Variants in SLC29A3 observed in about 807,000 individuals in gnomAD.
The protein encoded by SLC29A3 is solute carrier family 29 member 3.
SLC29A3 carries 18 observed loss-of-function variants against 25.4 expected under a neutral mutation model. The observed-to-expected ratio is 0.71, with a 90% confidence interval of 0.49 to 1.05. The LOEUF is 1.05. SLC29A3 is among the 50% of genes least tolerant of loss of function. The pLI, the probability that SLC29A3 is intolerant of heterozygous loss-of-function variation, is 0.00. For synonymous variants in SLC29A3, 258 were observed against 267.1 expected (o/e 0.97, Z 0.33); for missense variants, 586 against 609.0 (o/e 0.96, Z 0.40).
Position 71,362,516 on chromosome 10 carries a change from G to A in SLC29A3, c.1336G>A (p.Ala446Thr). 1 of 1,614,178 alleles carries A rather than the reference G, an allele frequency of 6.2e-7. No individual in the cohort carries two copies. Among genetic ancestry groups the A allele is most frequent in the Non-Finnish European group, 8.5e-7 (1 of 1,180,048 alleles). The change falls in exon 6 of 6, where the codon GCT becomes ACT. Residue 446 changes from alanine to threonine, a missense_variant. Transcript: ENST00000373189. The part of the protein sequence containing the change: ...YGPKIVPREL[A>T]EATGVVMSFY... Reference sequence around the variant, plus strand: ...GCCTAAGATTGTGCCCAGGGAGCTGGCTGAGGCCACGGGAGTGGTGATGTC... The same window carrying A: ...GCCTAAGATTGTGCCCAGGGAGCTGACTGAGGCCACGGGAGTGGTGATGTC...
chr10:71,380,075 G>C (rs1192583052), exon 5 of SLC29A3: 1 of 152,230 alleles, frequency 6.6e-6, no homozygotes, highest in East Asian at 1.9e-4. Context: ...GCTTACCCCT[G>C]AACTCTGTTT....
intron 1 of SLC29A3, among the ~76,000 whole-genome samples, chr10:71,322,184 A>AGG (rs1476490893): frequency 6.6e-6 from 1 of 151,996 alleles, no homozygotes; most frequent in African/African-American, 2.4e-5. Flanking sequence ...ACTGTTAGAA[A>AGG]CTTCTTATGT....
rs372178026 is a variant in SLC29A3, at chr10:71,377,481, G to T, written c.*211+1670G>T. Among the ~76,000 whole-genome samples the T allele has an allele frequency of 4.9e-3, 725 of 147,888 alleles. 5 individuals carry two copies. The highest frequency in any genetic ancestry group is 0.018 in the African/African-American group (691 of 37,720). ...GCCACCGGCCACGAAATAGATGGCC[G>T]CGAGGGCTTCCGGGAGCCGCGGGGC... On this transcript the variant is annotated intron_variant and NMD_transcript_variant, in intron 4 of 4. Transcript: ENST00000642772.
intron 2 of SLC29A3, among the ~76,000 whole-genome samples, chr10:71,342,818 A>T (rs1314258963): frequency 6.6e-6 from 1 of 152,224 alleles, no homozygotes; most frequent in Non-Finnish European, 1.5e-5. Flanking sequence ...TCTCAGGCTC[A>T]TGGTTGACGG....
Position 71,356,184 on chromosome 10 carries a change from T to C in SLC29A3, c.714T>C (p.Thr238=), listed in dbSNP as rs2252997. The change falls in exon 5 of 6, where the codon ACT becomes ACC. Residue 238 remains threonine (T), a synonymous_variant. Coordinates refer to ENST00000373189, the MANE Select transcript of SLC29A3 (RefSeq NM_018344.6). The part of the protein sequence containing the change: ...NSALAFFLTA[T]VFLVLCMGLY... ...CCCTGGCCTTCTTCCTGACGGCCACTGTCTTCCTCGTGCTCTGCATGGGAC... is the reference window on the plus strand; with the variant it reads ...CCCTGGCCTTCTTCCTGACGGCCACCGTCTTCCTCGTGCTCTGCATGGGAC... 0.87 allele frequency: 1,401,203 copies of C among 1,613,602 alleles called. 612,137 individuals are homozygous for C. Among genetic ancestry groups the C allele is most frequent in the Middle Eastern group, 0.91 (5,515 of 6,060 alleles).
chr10:71,365,788 CAT>C (rs1366680964), downstream of SLC29A3: 2 of 152,028 alleles, frequency 1.3e-5, no homozygotes, highest in Non-Finnish European at 2.9e-5. Context: ...TCTCAAGTCT[CAT>C]GTGAACCCAG....
At chr10:71,357,146 G>A (rs1188398510) in intron 5 of SLC29A3, among the ~76,000 whole-genome samples, 1 of 152,042 alleles carries the variant, frequency 6.6e-6, no homozygotes, top group Non-Finnish European at 1.5e-5. Flanking sequence ...CAGGCACGGT[G>A]GCTCACGCCT....
At chr10:71,337,036 A>G (rs1184128131) in intron 2 of SLC29A3, among the ~76,000 whole-genome samples, 1 of 152,166 alleles carries the variant, frequency 6.6e-6, no homozygotes, top group Non-Finnish European at 1.5e-5. Flanking sequence ...AGCATTTTCC[A>G]GAGCTTACCT....
At chr10:71,338,318 A>T (rs753706277) in intron 2 of SLC29A3, among the ~76,000 whole-genome samples, 3 of 152,192 alleles carry the variant, frequency 2.0e-5, no homozygotes, top group Non-Finnish European at 4.4e-5. Flanking sequence ...TTTTCTCTTA[A>T]TCTTTTTCTT....
intron 1 of SLC29A3, among the ~76,000 whole-genome samples, chr10:71,321,403 A>G (rs534131164): frequency 1.3e-5 from 2 of 152,258 alleles, no homozygotes; most frequent in East Asian, 3.9e-4. Flanking sequence ...GCATTTATTT[A>G]TTAGTTTATT....
intron 4 of SLC29A3, among the ~76,000 whole-genome samples, chr10:71,376,253 C>G (rs1047101082): frequency 6.6e-6 from 1 of 152,242 alleles, no homozygotes; most frequent in African/African-American, 2.4e-5. Flanking sequence ...GATTTGCCCA[C>G]TAACCTCCAC....
intron 2 of SLC29A3, among the ~76,000 whole-genome samples, chr10:71,324,364 T>A (rs1171733303): frequency 6.6e-6 from 1 of 152,204 alleles, no homozygotes; most frequent in African/African-American, 2.4e-5. Context: ...ACATTTCCTA[T>A]TCCTGGTTCT....
chr10:71,326,104 G>A (rs901565769), intron 2 of SLC29A3, among the ~76,000 whole-genome samples: 6 of 151,688 alleles, frequency 4.0e-5, no homozygotes, highest in African/African-American at 1.5e-4. Flanking sequence ...ATTTTTGGTA[G>A]AGACAGGGTC....
intron 2 of SLC29A3, among the ~76,000 whole-genome samples, chr10:71,334,757 T>TC (rs944716500): frequency 1.4e-4 from 21 of 152,018 alleles, no homozygotes; most frequent in African/African-American, 4.6e-4. Flanking sequence ...GGCCCCAGCC[T>TC]CCCCCCATCC....
chr10:71,319,346 G>T, intron 1 of SLC29A3, 36 bp downstream of exon 1: 2 of 631,144 alleles, frequency 3.2e-6, no homozygotes, highest in South Asian at 1.7e-5. Flanking sequence ...TCCGGCTACG[G>T]TCCCGGCCGC....
Position 71,362,946 on chromosome 10 carries a change from G to A in SLC29A3, c.*338G>A. 1 of 506,006 alleles carries A rather than the reference G, an allele frequency of 2.0e-6. No individual in the cohort carries two copies. The highest frequency in any genetic ancestry group is 1.5e-5 in the South Asian group (1 of 64,954). 31.3% of individuals were successfully genotyped at this position (506,006 alleles called of 1,614,324 possible). A position where few individuals can be genotyped will look rare whatever the true frequency, so the allele number is the denominator to read the frequency against. ...GTGTTCGCCCTAGAGTTATTACAAA[G>A]CCAGTGCCAAAACCCAGCCATGGGC... On this transcript the variant is annotated 3_prime_UTR_variant, in exon 6 of 6. Transcript: ENST00000373189.
intron 3 of SLC29A3, among the ~76,000 whole-genome samples, chr10:71,369,122 A>G (rs780633850): frequency 2.0e-5 from 3 of 152,224 alleles, no homozygotes; most frequent in Non-Finnish European, 4.4e-5. Flanking sequence ...GTGTGAGAAC[A>G]CAGTGAGAAG....
At chr10:71,325,054 C>G (rs548247410) in intron 2 of SLC29A3, among the ~76,000 whole-genome samples, 103 of 152,282 alleles carry the variant, frequency 6.8e-4, no homozygotes, top group Middle Eastern at 6.8e-3. Flanking sequence ...TGAGATGTTG[C>G]CAGCTGCCCA....
At chr10:71,349,940 C>T (rs1343177956) in intron 3 of SLC29A3, among the ~76,000 whole-genome samples, 1 of 152,220 alleles carries the variant, frequency 6.6e-6, no homozygotes, top group Non-Finnish European at 1.5e-5. Context: ...TGATGGAGCA[C>T]CTACCACAGT....
Sources: allele counts gnomAD v4.1 joint callset (sites outside exome capture counted in the v4.1 genomes callset), GRCh38; gene constraint gnomAD v4.1.1; transcripts MANE v1.5; gene names NCBI Gene and HGNC (gene_info 2026-07-23, HGNC 2026-07-21).